The following CERKL variants were observed in gnomAD, a reference collection of about 807,000 sequenced individuals.
The protein encoded by CERKL is CERK like autophagy regulator.
A neutral mutation model predicts 63.4 loss-of-function variants in CERKL; 61 were observed. The observed-to-expected ratio is 0.96, with a 90% CI of 0.78 to 1.19. CERKL has a LOEUF of 1.19. CERKL is among the 50% of genes most tolerant of loss of function. CERKL has a pLI of 0.00. For synonymous variants in CERKL, 250 were observed against 230.5 expected, an observed-to-expected ratio of 1.08 and a Z score of -0.77; for missense variants, 675 against 655.5, an observed-to-expected ratio of 1.03 and a Z score of -0.33.
chr2:181,589,834 A>G (rs149785640), intron 2 of CERKL, among the ~76,000 whole-genome samples: 43 of 152,244 alleles, frequency 2.8e-4, no homozygotes, highest in African/African-American at 1.0e-3. Context: ...GTATGTATGT[A>G]TGTATTTAGA....
chr2:181,573,648 A>G (rs1251915669), intron 3 of CERKL, 105 bp downstream of exon 3: 1 of 952,666 alleles, frequency 1.0e-6, no homozygotes, highest in Non-Finnish European at 1.6e-6. Context: ...AAAATGCTAT[A>G]GATATTACAA....
rs1272285151 is a variant in CERKL, at chr2:181,547,785, C to A, written c.1159+37G>T. The A allele has an allele frequency of 1.9e-6, 3 of 1,613,794 alleles. No homozygotes were observed. In the Admixed American group the frequency reaches 5.0e-5, roughly 27 times the overall value. On this transcript the variant is annotated intron_variant, in intron 9 of 12. Transcript: ENST00000410087. ...TCACCAGAACAAAATGTCAACAGAA[C>A]CTGGCACAGTTCTCAAGGAGATACT...
intron 1 of CERKL, among the ~76,000 whole-genome samples, chr2:181,614,248 G>A (rs1425141415): frequency 2.6e-5 from 4 of 152,158 alleles, no homozygotes; most frequent in Admixed American, 2.6e-4. Flanking sequence ...CAAGGTTCTA[G>A]AGATCATCTG....
chr2:181,590,851 CCCATGGAAAGGA>C (rs1200977760), intron 2 of CERKL, among the ~76,000 whole-genome samples: 12 of 152,148 alleles, frequency 7.9e-5, no homozygotes, highest in African/African-American at 2.7e-4. Flanking sequence ...TGATATAAAC[CCCATGGAAAGGA>C]ATTTATCAAT....
At chr2:181,649,506 AACAC>A (rs905571995) in intron 1 of CERKL, 3 of 152,196 alleles carry the variant, frequency 2.0e-5, no homozygotes, top group African/African-American at 4.8e-5. Flanking sequence ...TACATACACA[AACAC>A]ACACAGAGAG....
intron 5 of CERKL, among the ~76,000 whole-genome samples, chr2:181,557,753 C>A (rs1040188629): frequency 6.6e-6 from 1 of 152,156 alleles, no homozygotes. Context: ...CATGTAGGAG[C>A]CTCCATGGTT....
chr2:181,541,711 T>G (rs1390629090), intron 11 of CERKL, among the ~76,000 whole-genome samples: 2 of 151,996 alleles, frequency 1.3e-5, no homozygotes, highest in Non-Finnish European at 2.9e-5. Flanking sequence ...TGAATTAAGG[T>G]GAGGGAGAAA....
chr2:181,566,110 C>T lies in CERKL; in HGVS notation c.625G>A (p.Glu209Lys). The T allele has an allele frequency of 6.2e-7, 1 of 1,610,790 alleles. No homozygotes were observed. The highest frequency in any genetic ancestry group is 8.5e-7 in the Non-Finnish European group (1 of 1,177,342). Residue 209 changes from glutamate (E) to lysine (K), a missense_variant, in exon 4 of 13, where the codon GAA becomes AAA. Glu to Lys is a moderately conservative substitution (Grantham distance 56). Transcript: ENST00000410087. ...TTAAGCAGTGACAGAGCGTGCCCTT[C>T]ATATTCCATTACTATTAAAAAAACA... ...IKTDVTIMEY[E>K]GHALSLLKEC... is the part of the protein sequence containing the mutation.
At chr2:181,601,664 C>T (rs116361814) in intron 2 of CERKL, among the ~76,000 whole-genome samples, 4,645 of 152,274 alleles carry the variant, frequency 0.031, 225 homozygotes, top group African/African-American at 0.11. Flanking sequence ...ATGAAGATAG[C>T]CAAGAACTGT....
intron 3 of CERKL, 50 bp from the exon 4 acceptor site, chr2:181,566,171 A>T: frequency 7.0e-7 from 1 of 1,424,382 alleles, no homozygotes. Context: ...TTAAACAATG[A>T]TCACACTTTT....
intron 1 of CERKL, among the ~76,000 whole-genome samples, chr2:181,633,787 T>C (rs996065662): frequency 3.9e-5 from 6 of 152,168 alleles, no homozygotes; most frequent in Non-Finnish European, 8.8e-5. Context: ...TTCTCTAGTC[T>C]CCATAAAGTA....
At chr2:181,618,389 G>A (rs1157577825) in intron 1 of CERKL, among the ~76,000 whole-genome samples, 1 of 151,424 alleles carries the variant, frequency 6.6e-6, no homozygotes, top group Non-Finnish European at 1.5e-5. Flanking sequence ...ATGTTAATAT[G>A]CAATGAACTT....
Position 181,537,110 on chromosome 2 carries a change from CATTTATG to C in CERKL, c.*1067_*1073del, listed in dbSNP as rs1559062874. The C allele has an allele frequency of 2.2e-6, 1 of 452,776 alleles. No individual in the cohort carries two copies. Among genetic ancestry groups the C allele is most frequent in the South Asian group, 1.6e-5 (1 of 64,314 alleles). The allele number at this position is 452,776 out of a possible 1,614,324, so 28.0% of individuals were successfully genotyped here. A position where few individuals can be genotyped will look rare whatever the true frequency, so the allele number is the denominator to read the frequency against. On this transcript the variant is annotated 3_prime_UTR_variant, in exon 13 of 13. Coordinates refer to ENST00000410087, the MANE Select transcript of CERKL (RefSeq NM_201548.5). ...GTATACACAGGAATAAACTTTATGA[CATTTATG>C]TATTTTTAAAAAACTTTGTATCGTT...
chr2:181,601,676 T>A (rs1397916368), intron 2 of CERKL, among the ~76,000 whole-genome samples: 1 of 152,204 alleles, frequency 6.6e-6, no homozygotes, highest in Non-Finnish European at 1.5e-5. Flanking sequence ...AAGAACTGTC[T>A]TTGTGGGGAG....
rs1687202217 is a variant in CERKL, at chr2:181,537,475, A to C, written c.*709T>G. ...TAAAACCCTACCACTTTAAGAAGAC[A>C]GGGATGGGTTATTCTTTTTTGGCAG... On this transcript the variant is annotated 3_prime_UTR_variant, in exon 13 of 13. Coordinates refer to ENST00000410087, the MANE Select transcript of CERKL (RefSeq NM_201548.5). 2 of 453,490 alleles carry C rather than the reference A, an allele frequency of 4.4e-6. No individual in the cohort carries two copies. Among genetic ancestry groups the C allele is most frequent in the Non-Finnish European group, 4.4e-6 (1 of 226,686 alleles). The allele number at this position is 453,490 out of a possible 1,614,324, so 28.1% of individuals were successfully genotyped here.
intron 2 of CERKL, among the ~76,000 whole-genome samples, chr2:181,603,419 G>C (rs1177488100): frequency 1.3e-5 from 2 of 152,268 alleles, no homozygotes; most frequent in African/African-American, 4.8e-5. Context: ...TATGAGGCCA[G>C]TATTACCCTG....
chr2:181,606,188 A>C (rs968061201), intron 1 of CERKL, among the ~76,000 whole-genome samples: 5 of 144,222 alleles, frequency 3.5e-5, no homozygotes, highest in Non-Finnish European at 7.5e-5. Flanking sequence ...GGAAAGAAGA[A>C]AAAGGAAAGA....
intron 2 of CERKL, among the ~76,000 whole-genome samples, chr2:181,574,696 G>A (rs138997530): frequency 1.8e-3 from 269 of 152,158 alleles, no homozygotes; most frequent in Non-Finnish European, 2.8e-3. Context: ...TTTCTTTTAC[G>A]GTAAGCTGCT....
intron 4 of CERKL, among the ~76,000 whole-genome samples, chr2:181,564,422 G>A (rs907732226): frequency 6.6e-6 from 1 of 152,022 alleles, no homozygotes; most frequent in Non-Finnish European, 1.5e-5. Flanking sequence ...AAACTATTTG[G>A]TTTATAAAAT....
Sources: gnomAD v4.1 joint callset for allele counts (sites outside exome capture counted in the v4.1 genomes callset) on GRCh38, gnomAD v4.1.1 for gene constraint, MANE v1.5 for transcripts, NCBI Gene and HGNC (gene_info 2026-07-23, HGNC 2026-07-21) for gene names.